Variants in GPC6 observed in about 807,000 individuals in gnomAD.
GPC6 encodes glypican-6.
In GPC6, 14 loss-of-function variants were observed where a neutral mutation model predicts 55.2. The ratio of observed to expected loss-of-function variants is 0.25; its 90% CI spans 0.17 to 0.40. The LOEUF (loss-of-function observed/expected upper bound fraction) is 0.40, where lower values mean the gene tolerates loss of function less well. GPC6 is among the 10% of genes least tolerant of loss of function. The pLI is 1.00. For missense variants in GPC6, 641 were observed against 708.5 expected (o/e 0.90, Z 1.08); for synonymous variants, 278 against 259.6 (o/e 1.07, Z -0.68).
chr13:93,364,633 A>G (rs79723820), intron 1 of GPC6, among the ~76,000 whole-genome samples: 3,872 of 151,648 alleles, frequency 0.026, 168 homozygotes, highest in African/African-American at 0.087. Flanking sequence ...ACAATTTCAT[A>G]TATCTCAGTT....
intron 4 of GPC6, among the ~76,000 whole-genome samples, chr13:94,176,824 T>A (rs1186983491): frequency 6.6e-6 from 1 of 152,196 alleles, no homozygotes; most frequent in Admixed American, 6.5e-5. Context: ...AGCAGATGTA[T>A]GCTTCTCCGG....
chr13:94,251,206 A>G (rs563920762), intron 4 of GPC6, among the ~76,000 whole-genome samples: 77 of 152,120 alleles, frequency 5.1e-4, no homozygotes, highest in African/African-American at 1.8e-3. Context: ...TAACACAGGA[A>G]CAGAAAACCA....
chr13:93,355,797 T>G (rs1880827047), intron 1 of GPC6, among the ~76,000 whole-genome samples: 1 of 151,948 alleles, frequency 6.6e-6, no homozygotes, highest in Non-Finnish European at 1.5e-5. Flanking sequence ...TGGGGCAGGG[T>G]GGTGCTGCAC....
At chr13:93,844,547 CT>C (rs1457668091) in intron 3 of GPC6, among the ~76,000 whole-genome samples, 2 of 151,340 alleles carry the variant, frequency 1.3e-5, no homozygotes, top group Non-Finnish European at 2.9e-5. Context: ...GATATTAGCC[CT>C]TTTTCAGATG....
At chr13:93,653,055 A>G (rs1240881695) in intron 2 of GPC6, among the ~76,000 whole-genome samples, 1 of 152,214 alleles carries the variant, frequency 6.6e-6, no homozygotes, top group Non-Finnish European at 1.5e-5. Context: ...TACATATTGT[A>G]TTTAGGCACC....
chr13:93,661,712 T>TTTGTAGTAA (rs1375112489), intron 2 of GPC6, among the ~76,000 whole-genome samples: 4 of 152,200 alleles, frequency 2.6e-5, no homozygotes, highest in Non-Finnish European at 5.9e-5. Context: ...CAAACTGTGC[T>TTTGTAGTAA]TTGTAGTAAT....
At chr13:93,832,557 G>T (rs942776913) in intron 3 of GPC6, among the ~76,000 whole-genome samples, 1 of 152,064 alleles carries the variant, frequency 6.6e-6, no homozygotes, top group Non-Finnish European at 1.5e-5. Flanking sequence ...TTATGATCTG[G>T]CAAGTTTCCG....
chr13:93,286,378 T>G (rs896137173), intron 1 of GPC6, among the ~76,000 whole-genome samples: 1 of 152,142 alleles, frequency 6.6e-6, no homozygotes, highest in Non-Finnish European at 1.5e-5. Flanking sequence ...GCTAACAACC[T>G]AGGCACAAAG....
rs569590695 is a variant in GPC6 at position 93,873,432 on chromosome 13, T to G, written c.711+42887T>G. On this transcript the variant is annotated intron_variant, in intron 3 of 8. Coordinates refer to ENST00000377047, the MANE Select transcript of GPC6 (RefSeq NM_005708.5). ...CCTGACTTTGGTATTCTGCTCTTGT[T>G]CCATACATATAGAGCAATGGTTCTC... 2.6e-4 allele frequency among the ~76,000 whole-genome samples: 39 copies of G among 152,062 alleles called. 1 individual carries two copies. The South Asian group carries it at 7.7e-3, about 30-fold the overall frequency.
chr13:93,652,877 A>G (rs945452440), intron 2 of GPC6, among the ~76,000 whole-genome samples: 1 of 152,252 alleles, frequency 6.6e-6, no homozygotes, highest in Non-Finnish European at 1.5e-5. Flanking sequence ...ATAAAAATAC[A>G]TCTGCCAAAG....
At chr13:94,267,705 A>C (rs1891861078) in intron 4 of GPC6, among the ~76,000 whole-genome samples, 1 of 152,078 alleles carries the variant, frequency 6.6e-6, no homozygotes, top group South Asian at 2.1e-4. Flanking sequence ...TTCATGCACC[A>C]CTCTAAAGGT....
At chr13:94,080,513 G>T (rs1885062555) in intron 4 of GPC6, among the ~76,000 whole-genome samples, 1 of 152,110 alleles carries the variant, frequency 6.6e-6, no homozygotes, top group African/African-American at 2.4e-5. Context: ...ATGATAATCA[G>T]GTTAATATTT....
Position 94,282,990 on chromosome 13 carries a change from C to T in GPC6, c.878-3359C>T, listed in dbSNP as rs80114192. On this transcript the variant is annotated intron_variant, in intron 4 of 8. Coordinates refer to ENST00000377047, the MANE Select transcript of GPC6 (RefSeq NM_005708.5). The stretch of plus-strand genomic sequence containing the variant: ...TGCACATCATAAGAAAATAATGCAG[C>T]TTTGTATCTCTCACTAATGAACTCA... 3.4e-3 allele frequency among the ~76,000 whole-genome samples: 519 copies of T among 152,286 alleles called. 1 individual carries two copies. The highest frequency in any genetic ancestry group is 5.1e-3 in the Non-Finnish European group (346 of 68,020).
At chr13:93,614,164 C>T (rs1878617249) in intron 2 of GPC6, among the ~76,000 whole-genome samples, 1 of 152,112 alleles carries the variant, frequency 6.6e-6, no homozygotes, top group African/African-American at 2.4e-5. Context: ...TCTCTACTAC[C>T]ATGTTAACAT....
At chr13:93,681,385 G>A (rs1273088855) in intron 2 of GPC6, among the ~76,000 whole-genome samples, 2 of 152,178 alleles carry the variant, frequency 1.3e-5, no homozygotes, top group East Asian at 3.9e-4. Context: ...TATATTTACT[G>A]CTGATATGCA....
At chr13:93,775,902 A>G (rs1277915384) in intron 2 of GPC6, among the ~76,000 whole-genome samples, 1 of 152,192 alleles carries the variant, frequency 6.6e-6, no homozygotes, top group African/African-American at 2.4e-5. Context: ...ATTCTGCAGC[A>G]TGACTCATTA....
intron 3 of GPC6, among the ~76,000 whole-genome samples, chr13:93,937,150 A>G (rs1161870023): frequency 6.6e-6 from 1 of 152,230 alleles, no homozygotes; most frequent in Non-Finnish European, 1.5e-5. Context: ...TTTCTGTCCC[A>G]GTGATTTCTT....
At chr13:94,070,964 T>C (rs1008788158) in intron 4 of GPC6, among the ~76,000 whole-genome samples, 7 of 152,154 alleles carry the variant, frequency 4.6e-5, no homozygotes, top group African/African-American at 7.2e-5. Context: ...AGTAGAATAA[T>C]TGTGGCTTCC....
chr13:94,210,313 C>T lies in GPC6; in HGVS notation c.878-76036C>T, dbSNP rs552351391. Among the ~76,000 whole-genome samples, 14 of 152,008 alleles carry T rather than the reference C, an allele frequency of 9.2e-5. No individual in the cohort carries two copies. The South Asian group carries it at 1.2e-3, about 14-fold the overall frequency. On this transcript the variant is annotated intron_variant, in intron 4 of 8. Coordinates refer to ENST00000377047, the MANE Select transcript of GPC6 (RefSeq NM_005708.5). Reference sequence around the variant, plus strand: ...CTGGGATTACAGGTTTCTGCCACCACGCCCAGCTAATTTTTGTATTTTTAG... The same window carrying T: ...CTGGGATTACAGGTTTCTGCCACCATGCCCAGCTAATTTTTGTATTTTTAG...
Sources: allele counts gnomAD v4.1 joint callset (sites outside exome capture counted in the v4.1 genomes callset), GRCh38; gene constraint gnomAD v4.1.1; transcripts MANE v1.5; gene names NCBI Gene and HGNC (gene_info 2026-07-23, HGNC 2026-07-21).